The following SYT17 variants were observed in gnomAD, a reference collection of about 807,000 sequenced individuals.
The protein encoded by SYT17 is synaptotagmin-17.
Under a neutral mutation model 46.7 loss-of-function variants are expected in SYT17, and 22 were observed. That is an observed-to-expected ratio of 0.47 (90% CI 0.34 to 0.67). The LOEUF is 0.67. Ranked by LOEUF, SYT17 falls within the 30% of genes least tolerant of loss-of-function variation. The pLI is 0.01. For missense variants in SYT17, 519 were observed against 612.8 expected (o/e 0.85, Z 1.62); for synonymous variants, 251 against 248.4 (o/e 1.01, Z -0.10).
At chr16:19,188,297 A>C (rs1373324650) in intron 5 of SYT17, among the ~76,000 whole-genome samples, 1 of 152,084 alleles carries the variant, frequency 6.6e-6, no homozygotes, top group African/African-American at 2.4e-5. Flanking sequence ...GAACACATGG[A>C]CACAGAGAGG....
chr16:19,188,513 CAA>C (rs61202540), intron 5 of SYT17, among the ~76,000 whole-genome samples: 182 of 64,588 alleles, frequency 2.8e-3, no homozygotes, highest in Non-Finnish European at 3.7e-3. Context: ...TTCAGTTCTG[CAA>C]AAAAAAAAAA....
chr16:19,188,463 G>A (rs1473535524), intron 5 of SYT17, among the ~76,000 whole-genome samples: 2 of 126,022 alleles, frequency 1.6e-5, no homozygotes, highest in African/African-American at 6.3e-5. Context: ...TAACAAACCT[G>A]CACTTATACT....
At chr16:19,241,380 T>C (rs1331030620) in intron 7 of SYT17, among the ~76,000 whole-genome samples, 2 of 151,092 alleles carry the variant, frequency 1.3e-5, no homozygotes, top group Non-Finnish European at 3.0e-5. Context: ...CAAGAGTGCA[T>C]AGATGCCTGG....
At chr16:19,186,643 T>C (rs947185610) in intron 5 of SYT17, among the ~76,000 whole-genome samples, 3 of 152,242 alleles carry the variant, frequency 2.0e-5, no homozygotes, top group African/African-American at 7.2e-5. Flanking sequence ...ATGCCTTTAA[T>C]TGTGGGTTTG....
At chr16:19,237,778 C>T (rs1206610933) in intron 7 of SYT17, among the ~76,000 whole-genome samples, 1 of 152,198 alleles carries the variant, frequency 6.6e-6, no homozygotes. Flanking sequence ...AGCCAGGAAC[C>T]CTCATGGACT....
At chr16:19,230,898 T>G (rs777560638) in intron 7 of SYT17, among the ~76,000 whole-genome samples, 5 of 152,196 alleles carry the variant, frequency 3.3e-5, no homozygotes, top group Non-Finnish European at 5.9e-5. Flanking sequence ...AAAGTCCTCT[T>G]TAAATATGAG....
chr16:19,266,125 A>G (rs1969337204), intron 7 of SYT17, among the ~76,000 whole-genome samples: 1 of 152,234 alleles, frequency 6.6e-6, no homozygotes, highest in Non-Finnish European at 1.5e-5. Context: ...CTGTTTAACT[A>G]ATAAAGAAAC....
At chr16:19,189,319 G>C (rs937882591) in intron 5 of SYT17, among the ~76,000 whole-genome samples, 1 of 151,030 alleles carries the variant, frequency 6.6e-6, no homozygotes, top group Non-Finnish European at 1.5e-5. Context: ...AGATACTGGG[G>C]GTTAGGACCT....
intron 7 of SYT17, among the ~76,000 whole-genome samples, chr16:19,242,876 T>C (rs997194979): frequency 9.2e-5 from 14 of 152,084 alleles, no homozygotes; most frequent in African/African-American, 3.1e-4. Context: ...CTAAGGCTGA[T>C]AGGCATGGAG....
intron 3 of SYT17, among the ~76,000 whole-genome samples, chr16:19,176,005 C>T (rs1338126950): frequency 6.6e-6 from 1 of 152,164 alleles, no homozygotes; most frequent in Non-Finnish European, 1.5e-5. Flanking sequence ...AGTCAGGTTG[C>T]CCCCTAGAGT....
Position 19,183,831 on chromosome 16 carries a change from C to T in SYT17, c.635C>T (p.Pro212Leu), listed in dbSNP as rs771503070. The change falls in exon 5 of 8, where the codon CCA becomes CTA. Residue 212 changes from proline (P) to leucine (L), a missense_variant. By Grantham distance (98) the Pro-to-Leu change is moderately conservative. Coordinates refer to ENST00000355377, the MANE Select transcript of SYT17 (RefSeq NM_016524.4). The surrounding 1 kb of genome is among the most constrained non-coding windows in gnomAD (Gnocchi z 5.6). ...TVRVIEARDL[P>L]PPISHDGSRQ... ...CGCGTGATCGAGGCCAGGGACCTGC[C>T]ACCTCCCATCTCCCACGATGGCTCG... 336 of 1,614,054 alleles carry T rather than the reference C, an allele frequency of 2.1e-4. No individual in the cohort carries two copies. Among genetic ancestry groups the T allele is most frequent in the Non-Finnish European group, 2.8e-4 (332 of 1,180,040 alleles).
chr16:19,211,349 G>A, intron 5 of SYT17: 1 of 697,822 alleles, frequency 1.4e-6, no homozygotes, highest in African/African-American at 1.7e-5. Context: ...CAGCAGCTCA[G>A]CCTCTGTGTT....
At chr16:19,226,705 A>G (rs1158415568) in intron 7 of SYT17, among the ~76,000 whole-genome samples, 3 of 152,226 alleles carry the variant, frequency 2.0e-5, no homozygotes, top group Non-Finnish European at 2.9e-5. Context: ...TAAATGGTGG[A>G]CAGGCAGGTA....
chr16:19,190,957 T>G (rs1421345305), intron 5 of SYT17, among the ~76,000 whole-genome samples: 1 of 152,116 alleles, frequency 6.6e-6, no homozygotes, highest in African/African-American at 2.4e-5. Context: ...GTGTGTGTGT[T>G]TTTTTAAGCC....
At chr16:19,195,820 A>G (rs1323896709) in intron 5 of SYT17, among the ~76,000 whole-genome samples, 1 of 152,118 alleles carries the variant, frequency 6.6e-6, no homozygotes, top group Non-Finnish European at 1.5e-5. Context: ...CCCCATCTCT[A>G]CAAAAAATTT....
At chr16:19,229,881 T>G (rs936063099) in intron 7 of SYT17, among the ~76,000 whole-genome samples, 1 of 151,938 alleles carries the variant, frequency 6.6e-6, no homozygotes. Context: ...CAGTCTTGAG[T>G]AGGAAGGAAA....
chr16:19,223,102 A>G lies in SYT17; in HGVS notation c.1009A>G (p.Arg337Gly). 6.2e-7 allele frequency: 1 copy of G among 1,614,094 alleles called. No homozygotes were observed. The highest frequency in any genetic ancestry group is 8.5e-7 in the Non-Finnish European group (1 of 1,179,966). Reference protein sequence around the residue: ...LSLNYLPSAGRLNVDVIRAKQ... With the variant: ...LSLNYLPSAGGLNVDVIRAKQ... ...ACTGAATTATCTCCCAAGTGCTGGC[A>G]GACTGAATGTTGATGTCATTCGAGC... The change falls in exon 6 of 8, where the codon AGA becomes GGA. Residue 337 changes from arginine (R) to glycine (G), a missense_variant. Physicochemically the swap from Arg to Gly is moderately radical, Grantham distance 125 (BLOSUM62 -2). Transcript: ENST00000355377.
At chr16:19,224,875 A>T in intron 7 of SYT17, 37 bp downstream of exon 7, 1 of 1,610,500 alleles carries the variant, frequency 6.2e-7, no homozygotes. Context: ...ACTCCAGGTG[A>T]GGCACGTCAA....
intron 5 of SYT17, among the ~76,000 whole-genome samples, chr16:19,207,604 G>A (rs77750893): frequency 0.044 from 6,688 of 152,058 alleles, 473 homozygotes; most frequent in African/African-American, 0.15. Flanking sequence ...AGCACCAAAG[G>A]GGGAAATCCA....
Sources: allele counts gnomAD v4.1 joint callset (sites outside exome capture counted in the v4.1 genomes callset), GRCh38; gene constraint gnomAD v4.1.1; non-coding constraint Gnocchi (gnomAD v3.1); transcripts MANE v1.5; gene names NCBI Gene and HGNC (gene_info 2026-07-23, HGNC 2026-07-21).